The following ADAMTS3 variants were observed in gnomAD, a reference collection of about 807,000 sequenced individuals.
ADAMTS3 encodes the protein ADAM metallopeptidase with thrombospondin type 1 motif 3.
A neutral mutation model predicts 129.0 loss-of-function variants in ADAMTS3; 73 were observed. The ratio of observed to expected loss-of-function variants is 0.57; its 90% confidence interval spans 0.47 to 0.69. ADAMTS3 has a LOEUF of 0.69. Ranked by LOEUF, ADAMTS3 falls within the 30% of genes least tolerant of loss-of-function variation. The probability of loss-of-function intolerance (pLI) is 0.00; values close to 1 mark genes in which losing one functional copy is unlikely to be tolerated. For synonymous variants in ADAMTS3, 477 were observed against 510.8 expected (o/e 0.93, Z 0.89); for missense variants, 1,457 against 1,514.5 (o/e 0.96, Z 0.63).
At chr4:72,350,154 A>G (rs1320914591) in intron 4 of ADAMTS3, among the ~76,000 whole-genome samples, 1 of 152,080 alleles carries the variant, frequency 6.6e-6, no homozygotes, top group Admixed American at 6.6e-5. Flanking sequence ...GATTTCTGCT[A>G]AAGACACTTA....
intron 3 of ADAMTS3, among the ~76,000 whole-genome samples, chr4:72,490,860 C>T (rs1055468710): frequency 3.3e-5 from 5 of 151,840 alleles, no homozygotes; most frequent in African/African-American, 1.2e-4. Context: ...TTTTCTATAT[C>T]TGTAACTACT....
At chr4:72,534,944 C>A (rs980195810) in intron 3 of ADAMTS3, among the ~76,000 whole-genome samples, 21 of 152,208 alleles carry the variant, frequency 1.4e-4, no homozygotes, top group African/African-American at 4.3e-4. Context: ...TGTCTAGAAC[C>A]AATATGCCAC....
chr4:72,450,885 T>C (rs1488714273), intron 3 of ADAMTS3, among the ~76,000 whole-genome samples: 2 of 144,538 alleles, frequency 1.4e-5, no homozygotes, highest in Non-Finnish European at 3.0e-5. Flanking sequence ...CAGGAATAAA[T>C]GGGAGCAATA....
intron 3 of ADAMTS3, among the ~76,000 whole-genome samples, chr4:72,515,721 A>G (rs546623939): frequency 8.0e-4 from 121 of 151,936 alleles, no homozygotes; most frequent in Middle Eastern, 3.4e-3. Context: ...AGTTCATTGT[A>G]GATTCTGGAT....
chr4:72,558,940 C>G (rs1829367), intron 2 of ADAMTS3, among the ~76,000 whole-genome samples: 146,180 of 151,750 alleles, frequency 0.96, 70,815 homozygotes, highest in East Asian at 1. Context: ...AGAGGCATCT[C>G]TCTTCTGGAG....
At chr4:72,448,004 A>G (rs1466930572) in intron 3 of ADAMTS3, among the ~76,000 whole-genome samples, 1 of 151,666 alleles carries the variant, frequency 6.6e-6, no homozygotes, top group Non-Finnish European at 1.5e-5. Context: ...GTATAAACCC[A>G]AAGGGGACCT....
At chr4:72,349,852 G>A (rs887789702) in intron 4 of ADAMTS3, among the ~76,000 whole-genome samples, 2 of 151,870 alleles carry the variant, frequency 1.3e-5, no homozygotes, top group African/African-American at 4.8e-5. Flanking sequence ...TTGAAGAAGC[G>A]GTCATTCTAC....
intron 3 of ADAMTS3, among the ~76,000 whole-genome samples, chr4:72,465,457 T>C (rs897801957): frequency 2.6e-5 from 4 of 151,962 alleles, no homozygotes; most frequent in Admixed American, 2.6e-4. Context: ...CTGACAGTGA[T>C]AGGAGGCAGC....
At chr4:72,533,672 C>CATATAT (rs1721109828) in intron 3 of ADAMTS3, among the ~76,000 whole-genome samples, 2 of 151,446 alleles carry the variant, frequency 1.3e-5, no homozygotes, top group Admixed American at 6.6e-5. Flanking sequence ...TGTATATGCA[C>CATATAT]ATATATGCAC....
rs140923279 is a variant in ADAMTS3, at chr4:72,379,374, C to T, written c.661+35441G>A. Among the ~76,000 whole-genome samples the T allele has an allele frequency of 8.9e-4, 134 of 151,306 alleles. No homozygotes were observed. The Middle Eastern group carries it at 0.01, about 12-fold the overall frequency. On this transcript the variant is annotated intron_variant, in intron 4 of 21. Transcript: ENST00000286657. ...CATCTCTTCTTGCATCTACTTCACG[C>T]GCTGGACTTCCAAGCAGAGAATTTT...
chr4:72,288,346 C>A (rs1718565040), intron 21 of ADAMTS3, among the ~76,000 whole-genome samples: 1 of 152,088 alleles, frequency 6.6e-6, no homozygotes. Context: ...AGTAACATTA[C>A]CCACAGATCA....
chr4:72,561,434 G>A lies in ADAMTS3; in HGVS notation c.97+5940C>T, dbSNP rs191713084. ...GCAGGAGGATCGCCTGAGCTGGGGA[G>A]ATCAAGGCTGCAGTGAGCCATGACT... is the stretch of plus-strand genomic sequence containing the variant. On this transcript the variant is annotated intron_variant, in intron 2 of 21. Coordinates refer to ENST00000286657, the MANE Select transcript of ADAMTS3 (RefSeq NM_014243.3). Among the ~76,000 whole-genome samples, 8 of 152,172 alleles carry A rather than the reference G, an allele frequency of 5.3e-5. No individual in the cohort carries two copies. The East Asian group carries it at 1.6e-3, about 29-fold the overall frequency.
intron 3 of ADAMTS3, among the ~76,000 whole-genome samples, chr4:72,468,528 T>G (rs926165450): frequency 6.6e-6 from 1 of 152,084 alleles, no homozygotes; most frequent in Non-Finnish European, 1.5e-5. Flanking sequence ...GATGTATCAG[T>G]TATATTAAAA....
At chr4:72,431,287 G>C (rs1722692554) in intron 3 of ADAMTS3, among the ~76,000 whole-genome samples, 1 of 151,948 alleles carries the variant, frequency 6.6e-6, no homozygotes, top group East Asian at 1.9e-4. Flanking sequence ...AGGAACTGCG[G>C]ATAATACGTG....
intron 15 of ADAMTS3, among the ~76,000 whole-genome samples, chr4:72,308,016 G>C (rs1053883250): frequency 6.6e-6 from 1 of 151,744 alleles, no homozygotes; most frequent in Non-Finnish European, 1.5e-5. Flanking sequence ...AATGAACATG[G>C]CAAAACCTTT....
At chr4:72,450,899 AGAGGAG>A (rs1221210807) in intron 3 of ADAMTS3, among the ~76,000 whole-genome samples, 1 of 149,246 alleles carries the variant, frequency 6.7e-6, no homozygotes, top group Non-Finnish European at 1.5e-5. Flanking sequence ...AGCAATAGAA[AGAGGAG>A]GAGGAGGAGG....
intron 2 of ADAMTS3, among the ~76,000 whole-genome samples, chr4:72,561,213 T>C (rs1721895533): frequency 6.6e-6 from 1 of 152,042 alleles, no homozygotes; most frequent in South Asian, 2.1e-4. Context: ...GCCGGCGTGG[T>C]AGTATGCACC....
intron 3 of ADAMTS3, among the ~76,000 whole-genome samples, chr4:72,502,412 A>C (rs781066933): frequency 3.9e-5 from 6 of 152,160 alleles, no homozygotes; most frequent in Non-Finnish European, 7.3e-5. Flanking sequence ...ATAGGTGTTC[A>C]TAATAGTCTC....
chr4:72,311,879 A>G, intron 13 of ADAMTS3, among the ~76,000 whole-genome samples: 1 of 152,150 alleles, frequency 6.6e-6, no homozygotes, highest in African/African-American at 2.4e-5. Flanking sequence ...GTTATAAGGT[A>G]TCTTTTGTTA....
Sources: gnomAD v4.1 joint callset for allele counts (sites outside exome capture counted in the v4.1 genomes callset) on GRCh38, gnomAD v4.1.1 for gene constraint, MANE v1.5 for transcripts, NCBI Gene and HGNC (gene_info 2026-07-23, HGNC 2026-07-21) for gene names.